Variants in CABCOCO1 observed in about 807,000 individuals in gnomAD.
CABCOCO1 encodes ciliary-associated calcium-binding coiled-coil protein 1.
Under a neutral mutation model 35.7 loss-of-function variants are expected in CABCOCO1, and 28 were observed. The ratio of observed to expected loss-of-function variants is 0.78; its 90% CI spans 0.58 to 1.07. The LOEUF (loss-of-function observed/expected upper bound fraction) is 1.07. CABCOCO1 is among the 50% of genes least tolerant of loss of function. The pLI is 0.00. For synonymous variants in CABCOCO1, 95 were observed against 100.1 expected (o/e 0.95, Z 0.30); for missense variants, 326 against 309.2 (o/e 1.05, Z -0.41).
At chr10:61,724,196 A>G (rs958796727) in intron 5 of CABCOCO1, among the ~76,000 whole-genome samples, 5 of 152,256 alleles carry the variant, frequency 3.3e-5, no homozygotes, top group Non-Finnish European at 5.9e-5. Flanking sequence ...CTTCATTGAT[A>G]GAAATACTCA....
At chr10:61,712,355 GT>G (rs986953963) in intron 5 of CABCOCO1, among the ~76,000 whole-genome samples, 1 of 152,086 alleles carries the variant, frequency 6.6e-6, no homozygotes, top group East Asian at 1.9e-4. Flanking sequence ...TGATGGGGTT[GT>G]TTTTTTCTTG....
At chr10:61,676,924 C>T (rs529747108) in intron 2 of CABCOCO1, among the ~76,000 whole-genome samples, 415 of 151,798 alleles carry the variant, frequency 2.7e-3, no homozygotes, top group South Asian at 7.9e-3. Context: ...TTTAGCCGAG[C>T]GTGGTGGCAG....
At chr10:61,697,322 T>C (rs936806408) in intron 5 of CABCOCO1, among the ~76,000 whole-genome samples, 1 of 152,086 alleles carries the variant, frequency 6.6e-6, no homozygotes, top group African/African-American at 2.4e-5. Context: ...TTAAATAAAA[T>C]GAAGTATAGT....
intron 3 of CABCOCO1, among the ~76,000 whole-genome samples, chr10:61,682,787 G>A (rs2131979993): frequency 6.6e-6 from 1 of 152,116 alleles, no homozygotes; most frequent in East Asian, 1.9e-4. Context: ...GCAAGTGAGG[G>A]CCCATCTTCT....
chr10:61,700,298 A>G (rs1470443511), intron 5 of CABCOCO1, among the ~76,000 whole-genome samples: 1 of 152,082 alleles, frequency 6.6e-6, no homozygotes, highest in Admixed American at 6.6e-5. Context: ...AATTTCCAGT[A>G]TAAATGACAG....
At chr10:61,735,304 TC>T (rs571113263) in intron 5 of CABCOCO1, among the ~76,000 whole-genome samples, 88 of 152,198 alleles carry the variant, frequency 5.8e-4, no homozygotes, top group African/African-American at 2.0e-3. Flanking sequence ...TTTGCTCTCT[TC>T]CTAGACTCCA....
chr10:61,742,076 C>T (rs1589150424), intron 5 of CABCOCO1, among the ~76,000 whole-genome samples: 1 of 152,148 alleles, frequency 6.6e-6, no homozygotes, highest in African/African-American at 2.4e-5. Flanking sequence ...AGAGAGAAGT[C>T]GATTTCAGTT....
chr10:61,666,386 A>G (rs1204411994), intron 1 of CABCOCO1, among the ~76,000 whole-genome samples: 2 of 152,236 alleles, frequency 1.3e-5, no homozygotes, highest in African/African-American at 2.4e-5. Context: ...CTATGGGGAC[A>G]ATGCCAAAAA....
At chr10:61,706,251 G>A (rs1362624755) in intron 5 of CABCOCO1, among the ~76,000 whole-genome samples, 1 of 152,092 alleles carries the variant, frequency 6.6e-6, no homozygotes, top group Non-Finnish European at 1.5e-5. Context: ...TGCAGTTTAT[G>A]AAAACGAACA....
chr10:61,766,347 A>C lies in CABCOCO1; in HGVS notation c.*334A>C, dbSNP rs1842111578. The stretch of plus-strand genomic sequence containing the variant: ...ATTCATCTTCAAGGAGAATGAAGTC[A>C]ACTTTTTAAATAACCAGAAATAAAG... On this transcript the variant is annotated 3_prime_UTR_variant, in exon 8 of 8. Coordinates refer to ENST00000648843, the MANE Select transcript of CABCOCO1 (RefSeq NM_001366906.2). The C allele has an allele frequency of 6.0e-6, 1 of 165,822 alleles. No individual in the cohort carries two copies. The highest frequency in any genetic ancestry group is 1.3e-5 in the Non-Finnish European group (1 of 76,688). The allele number at this position is 165,822 out of a possible 1,614,324, so 10.3% of individuals were successfully genotyped here.
At chr10:61,665,868 C>T (rs981132766) in intron 1 of CABCOCO1, among the ~76,000 whole-genome samples, 10 of 134,866 alleles carry the variant, frequency 7.4e-5, no homozygotes, top group Non-Finnish European at 1.4e-4. Context: ...GCCTGGGCGA[C>T]AGAGCGAGAC....
At chr10:61,679,971 T>A (rs1224215006) in intron 2 of CABCOCO1, among the ~76,000 whole-genome samples, 1 of 151,822 alleles carries the variant, frequency 6.6e-6, no homozygotes, top group Non-Finnish European at 1.5e-5. Flanking sequence ...AAATTATAAC[T>A]CTAGAAAAAA....
chr10:61,751,911 T>C (rs1336671414), intron 5 of CABCOCO1, among the ~76,000 whole-genome samples: 3 of 152,350 alleles, frequency 2.0e-5, no homozygotes, highest in South Asian at 2.1e-4. Flanking sequence ...GGAATCAAGA[T>C]ACCACCTAGA....
intron 2 of CABCOCO1, among the ~76,000 whole-genome samples, chr10:61,679,535 A>C (rs1678507383): frequency 6.6e-6 from 1 of 152,208 alleles, no homozygotes; most frequent in Non-Finnish European, 1.5e-5. Context: ...AATTAAAAAA[A>C]ATAAATAAAT....
chr10:61,759,910 C>T, intron 5 of CABCOCO1, 149 bp from the exon 6 acceptor site: 1 of 979,558 alleles, frequency 1.0e-6, no homozygotes, highest in Non-Finnish European at 1.5e-6. Context: ...CACTAGAGGA[C>T]AAAAAGGGCA....
At chr10:61,702,248 T>C (rs1243962459) in intron 5 of CABCOCO1, among the ~76,000 whole-genome samples, 1 of 152,198 alleles carries the variant, frequency 6.6e-6, no homozygotes, top group South Asian at 2.1e-4. Flanking sequence ...TATGTGACCA[T>C]CAAACCCAGA....
intron 6 of CABCOCO1, 91 bp downstream of exon 6, chr10:61,760,272 CT>C (rs2132092929): frequency 6.9e-7 from 1 of 1,455,460 alleles, no homozygotes; most frequent in Admixed American, 2.1e-5. Flanking sequence ...TCTTCATTTT[CT>C]TTGCCTCTGA....
At chr10:61,672,789 C>T (rs1299040181) in intron 2 of CABCOCO1, 54 bp downstream of exon 2, 67 of 938,786 alleles carry the variant, frequency 7.1e-5, no homozygotes, top group Non-Finnish European at 8.3e-5. Context: ...AGTTCTGCAT[C>T]TGTAAATGAT....
rs559650005 is a variant in CABCOCO1, at chr10:61,669,859, A to T, written c.61-2773A>T. Among the ~76,000 whole-genome samples the T allele has an allele frequency of 3.3e-5, 5 of 152,282 alleles. No individual in the cohort carries two copies. In the South Asian group the frequency reaches 1.0e-3, roughly 32 times the overall value. ...TGTCTGTATAATTCACTTTTCATGT[A>T]TATATTTATTCATTATTAATATGAC... On this transcript the variant is annotated intron_variant, in intron 1 of 7. Coordinates refer to ENST00000648843, the MANE Select transcript of CABCOCO1 (RefSeq NM_001366906.2).
Sources: gnomAD v4.1 joint callset for allele counts (sites outside exome capture counted in the v4.1 genomes callset) on GRCh38, gnomAD v4.1.1 for gene constraint, MANE v1.5 for transcripts, NCBI Gene and HGNC (gene_info 2026-07-23, HGNC 2026-07-21) for gene names.